PBX1: variants seen among roughly 807,000 people sequenced by gnomAD.
The protein encoded by PBX1 is pre-B-cell leukemia transcription factor 1.
A neutral mutation model predicts 53.4 loss-of-function variants in PBX1; 6 were observed. That is an observed-to-expected ratio of 0.11 (90% CI 0.06 to 0.22). The LOEUF is 0.22. PBX1 is among the 10% of genes least tolerant of loss of function. PBX1 has a pLI of 1.00. For missense variants in PBX1, 251 were observed against 551.4 expected (o/e 0.46, Z 5.46); for synonymous variants, 204 against 212.3 (o/e 0.96, Z 0.34).
intron 2 of PBX1, among the ~76,000 whole-genome samples, chr1:164,582,300 A>G (rs1229345655): frequency 6.6e-6 from 1 of 152,230 alleles, no homozygotes; most frequent in Non-Finnish European, 1.5e-5. Flanking sequence ...AGCAAAAGCA[A>G]AAAAGGGAAA....
At chr1:164,664,880 G>A (rs1192602876) in intron 2 of PBX1, among the ~76,000 whole-genome samples, 1 of 143,462 alleles carries the variant, frequency 7.0e-6, no homozygotes, top group Non-Finnish European at 1.5e-5. Context: ...CCTGCCCCAT[G>A]ATTCAATTAC....
At chr1:164,788,118 G>A (rs1279018988) in intron 2 of PBX1, among the ~76,000 whole-genome samples, 1 of 152,184 alleles carries the variant, frequency 6.6e-6, no homozygotes, top group Non-Finnish European at 1.5e-5. Context: ...ACCCATCAGG[G>A]AAGCAGGAAC....
intron 2 of PBX1, among the ~76,000 whole-genome samples, chr1:164,605,756 G>A (rs1656503756): frequency 6.6e-6 from 1 of 152,040 alleles, no homozygotes; most frequent in African/African-American, 2.4e-5. Context: ...TTATTTAGCT[G>A]GTTTAAATAA....
At chr1:164,818,819 A>T (rs3767366) in intron 6 of PBX1, 3 of 151,806 alleles carry the variant, frequency 2.0e-5, no homozygotes, top group African/African-American at 7.3e-5. Context: ...GGGGAAAAAA[A>T]GTCCTCTCTT....
chr1:164,679,306 C>T (rs1661612050), intron 2 of PBX1, among the ~76,000 whole-genome samples: 1 of 152,130 alleles, frequency 6.6e-6, no homozygotes, highest in Admixed American at 6.5e-5. Context: ...AGTTTGTTTG[C>T]ACTGCGGAAG....
chr1:164,661,792 C>T (rs1046903260), intron 2 of PBX1, among the ~76,000 whole-genome samples: 11 of 151,962 alleles, frequency 7.2e-5, no homozygotes, highest in African/African-American at 1.9e-4. Context: ...TGTACATAGG[C>T]GTTATCACCT....
At chr1:164,696,546 T>C (rs146432994) in intron 2 of PBX1, among the ~76,000 whole-genome samples, 1 of 152,296 alleles carries the variant, frequency 6.6e-6, no homozygotes, top group Non-Finnish European at 1.5e-5. Flanking sequence ...CTCTAAGATA[T>C]CTCCCATGTC....
At chr1:164,719,970 T>C (rs192451386) in intron 2 of PBX1, among the ~76,000 whole-genome samples, 5 of 152,190 alleles carry the variant, frequency 3.3e-5, no homozygotes, top group Admixed American at 3.3e-4. Flanking sequence ...CGCTGACCTT[T>C]TCGTGAAGCA....
intron 8 of PBX1, 54 bp from the exon 9 acceptor site, chr1:164,846,530 G>A: frequency 6.6e-7 from 1 of 1,522,608 alleles, no homozygotes; most frequent in Non-Finnish European, 9.1e-7. Flanking sequence ...ATTGTCTGCT[G>A]AAAACAGCCA....
intron 2 of PBX1, among the ~76,000 whole-genome samples, chr1:164,625,163 A>G (rs533328192): frequency 7.9e-5 from 12 of 152,294 alleles, no homozygotes; most frequent in East Asian, 5.8e-4. Flanking sequence ...TTAGGATTAA[A>G]ATGCCAAAAA....
At chr1:164,739,392 A>G (rs1665475322) in intron 2 of PBX1, among the ~76,000 whole-genome samples, 1 of 152,122 alleles carries the variant, frequency 6.6e-6, no homozygotes, top group African/African-American at 2.4e-5. Context: ...TGTGTTCTAC[A>G]CAGGGCTTGG....
At chr1:164,815,973 CAGAG>C (rs1391279156) in intron 6 of PBX1, 1 of 152,144 alleles carries the variant, frequency 6.6e-6, no homozygotes, top group Non-Finnish European at 1.5e-5. Context: ...ATAATACACA[CAGAG>C]AGAAGGTAAC....
chr1:164,575,767 A>C (rs1268345689), intron 2 of PBX1, among the ~76,000 whole-genome samples: 1 of 152,076 alleles, frequency 6.6e-6, no homozygotes, highest in Non-Finnish European at 1.5e-5. Flanking sequence ...ACATTAATAA[A>C]TATTTAAAAA....
chr1:164,601,244 A>C (rs1656153425), intron 2 of PBX1, among the ~76,000 whole-genome samples: 1 of 148,846 alleles, frequency 6.7e-6, no homozygotes. Flanking sequence ...TCAAAAAAAA[A>C]AAAAAAAAAA....
chr1:164,776,421 A>G (rs1020500923), intron 2 of PBX1, among the ~76,000 whole-genome samples: 1 of 152,178 alleles, frequency 6.6e-6, no homozygotes, highest in Admixed American at 6.5e-5. Flanking sequence ...CTATGTCCTC[A>G]CTGCTGAGAC....
At chr1:164,811,691 T>C (rs1478097449) in intron 5 of PBX1, among the ~76,000 whole-genome samples, 1 of 152,206 alleles carries the variant, frequency 6.6e-6, no homozygotes, top group Non-Finnish European at 1.5e-5. Flanking sequence ...TGTAAGCAAA[T>C]TTAAAATGCT....
At chr1:164,869,442 A>G (rs1672297108) in intron 2 of PBX1, among the ~76,000 whole-genome samples, 2 of 152,224 alleles carry the variant, frequency 1.3e-5, no homozygotes, top group African/African-American at 4.8e-5. Context: ...AAATATGGCT[A>G]CATATCTAGC....
intron 2 of PBX1, among the ~76,000 whole-genome samples, chr1:164,659,610 C>G (rs1660366176): frequency 6.6e-6 from 1 of 152,198 alleles, no homozygotes; most frequent in South Asian, 2.1e-4. Context: ...TGTGAGTGGA[C>G]ACCTCCATTG....
At chr1:164,728,835 A>G (rs181963991) in intron 2 of PBX1, among the ~76,000 whole-genome samples, 238 of 152,310 alleles carry the variant, frequency 1.6e-3, no homozygotes, top group Non-Finnish European at 2.7e-3. Flanking sequence ...AACATATTTC[A>G]GTTTAAATGG....
Sources: gnomAD v4.1 joint callset for allele counts (sites outside exome capture counted in the v4.1 genomes callset) on GRCh38, gnomAD v4.1.1 for gene constraint, MANE v1.5 for transcripts, NCBI Gene and HGNC (gene_info 2026-07-23, HGNC 2026-07-21) for gene names.